The following ADGRV1 variants were observed in gnomAD, a reference collection of about 807,000 sequenced individuals.
ADGRV1 encodes adhesion G protein-coupled receptor V1.
ADGRV1 carries 359 observed loss-of-function variants against 596.2 expected under a neutral mutation model. The ratio of observed to expected loss-of-function variants is 0.60; its 90% CI spans 0.55 to 0.66. ADGRV1 has a LOEUF of 0.66. Ranked by LOEUF, ADGRV1 falls within the 30% of genes least tolerant of loss-of-function variation. ADGRV1 has a pLI of 0.00. For synonymous variants in ADGRV1, 2,681 were observed against 2,679.2 expected, an observed-to-expected ratio of 1.00 and a Z score of -0.02; for missense variants, 7,274 against 7,575.6, an observed-to-expected ratio of 0.96 and a Z score of 1.48.
intron 75 of ADGRV1, among the ~76,000 whole-genome samples, chr5:90,822,380 G>A (rs1332230936): frequency 2.0e-5 from 3 of 152,136 alleles, no homozygotes; most frequent in East Asian, 1.9e-4. Flanking sequence ...CGTCTTCTGC[G>A]TTGCTCACGC....
At chr5:91,015,282 T>G (rs10055587) in intron 85 of ADGRV1, among the ~76,000 whole-genome samples, 107,378 of 151,980 alleles carry the variant, frequency 0.71, 38,353 homozygotes, top group African/African-American at 0.82. Flanking sequence ...CATTTACTGA[T>G]GATTGTTTTA....
rs760911584 is a variant in ADGRV1 at position 90,725,681 on chromosome 5, G to T, written c.10161+25G>T. The T allele has an allele frequency of 1.5e-5, 16 of 1,052,292 alleles. No individual in the cohort carries two copies. In the East Asian group the frequency reaches 3.3e-4, roughly 21 times the overall value. 65.2% of individuals were successfully genotyped at this position (1,052,292 alleles called of 1,614,324 possible). A position where few individuals can be genotyped will look rare whatever the true frequency, so the allele number is the denominator to read the frequency against. ...GGTTTGATTCTTTTAAAATGAAGTG[G>T]GTTTTTTTTTGCTTTTCTTTTTAAC... is the stretch of plus-strand genomic sequence containing the variant. On this transcript the variant is annotated intron_variant, in intron 48 of 89. Transcript: ENST00000405460.
rs773676541 is a variant in ADGRV1 at position 90,815,757 on chromosome 5, T to A, written c.16196+21T>A. ...AACAGGTATGTGTATATATAGTATA[T>A]GGAAGACGTAACATTCTGTGTGTCT... On this transcript the variant is annotated intron_variant, in intron 75 of 89. Coordinates refer to ENST00000405460, the MANE Select transcript of ADGRV1 (RefSeq NM_032119.4). The A allele has an allele frequency of 6.6e-6, 8 of 1,206,128 alleles. No homozygotes were observed. In the Admixed American group the frequency reaches 1.6e-4, roughly 24 times the overall value. The allele number at this position is 1,206,128 out of a possible 1,614,324, so 74.7% of individuals were successfully genotyped here.
At position 90,703,695 on chromosome 5, in the gene ADGRV1, C is replaced by T. The variant is rs1418948524; in HGVS notation, c.8186C>T (p.Thr2729Ile). The T allele has an allele frequency of 6.2e-7, 1 of 1,604,232 alleles. No individual in the cohort carries two copies. The highest frequency in any genetic ancestry group is 8.5e-7 in the Non-Finnish European group (1 of 1,173,646). The change falls in exon 35 of 90, where the codon ACT (threonine) becomes ATT (isoleucine). Residue 2729 changes from threonine (T) to isoleucine (I), a missense_variant. Physicochemically the swap from Thr to Ile is moderately conservative, Grantham distance 89. This residue lies in a region of ADGRV1 where 3,643 missense variants were observed against 3,809.2 expected (regional missense o/e 0.96). Transcript: ENST00000405460. ...GEILQFHVIR[T>I]FPGRGNVTVN... ...ATTTTACAATTCCATGTGATAAGAACTTTCCCTGGTCGAGGAAATGTTACT... is the reference window on the plus strand; with the variant it reads ...ATTTTACAATTCCATGTGATAAGAATTTTCCCTGGTCGAGGAAATGTTACT...
chr5:90,828,276 A>G lies in ADGRV1; in HGVS notation c.16369-668A>G, dbSNP rs542215131. 4.3e-4 allele frequency among the ~76,000 whole-genome samples: 66 copies of G among 152,190 alleles called. 2 individuals are homozygous for G. In the South Asian group the frequency reaches 0.013, roughly 31 times the overall value. On this transcript the variant is annotated intron_variant, in intron 76 of 89. Transcript: ENST00000405460. ...TTGACTATTATAAATATTTGATTAT[A>G]TTTATTTAAAACACTTTAAAAATAA...
chr5:90,874,524 C>T (rs1266140041), intron 83 of ADGRV1, among the ~76,000 whole-genome samples: 5 of 151,918 alleles, frequency 3.3e-5, no homozygotes, highest in Non-Finnish European at 5.9e-5. Context: ...CTGTTTCTAG[C>T]ACTCATAAAA....
At chr5:90,948,681 C>G (rs985160155) in intron 83 of ADGRV1, among the ~76,000 whole-genome samples, 2 of 152,096 alleles carry the variant, frequency 1.3e-5, no homozygotes, top group South Asian at 4.1e-4. Flanking sequence ...ATAGCCTAAC[C>G]TAGCCTACCT....
intron 85 of ADGRV1, among the ~76,000 whole-genome samples, chr5:91,019,702 T>C (rs1783473235): frequency 6.6e-6 from 1 of 152,024 alleles, no homozygotes; most frequent in African/African-American, 2.4e-5. Context: ...ATTTCGGTGA[T>C]AGATGTCATT....
At chr5:91,068,921 A>T (rs958019574) in intron 85 of ADGRV1, among the ~76,000 whole-genome samples, 1 of 152,182 alleles carries the variant, frequency 6.6e-6, no homozygotes, top group Admixed American at 6.5e-5. Context: ...CCAAAACAGC[A>T]TGGTACTGAT....
rs1373485037 is a variant in ADGRV1 at position 90,704,403 on chromosome 5, A to G, written c.8301A>G (p.Thr2767=). 2 of 1,573,914 alleles carry G rather than the reference A, an allele frequency of 1.3e-6. No individual in the cohort carries two copies. Among genetic ancestry groups the G allele is most frequent in the African/African-American group, 1.3e-5 (1 of 74,300 alleles). The part of the protein sequence containing the change: ...QLFFPEGSLN[T]TLFVHLLDDN... ...GTATGACATAGGGGTCGTTGAATACAACATTGTTTGTGCATTTGTTGGATG... is the reference window on the plus strand; with the variant it reads ...GTATGACATAGGGGTCGTTGAATACGACATTGTTTGTGCATTTGTTGGATG... Residue 2767 remains threonine (T), a synonymous_variant, in exon 36 of 90, where the codon ACA becomes ACG. Coordinates refer to ENST00000405460, the MANE Select transcript of ADGRV1 (RefSeq NM_032119.4).
Position 90,646,054 on chromosome 5 carries a change from G to A in ADGRV1, c.2985G>A (p.Leu995=). The A allele has an allele frequency of 6.3e-7, 1 of 1,598,870 alleles. No homozygotes were observed. Among genetic ancestry groups the A allele is most frequent in the Non-Finnish European group, 8.5e-7 (1 of 1,171,788 alleles). Residue 995 remains leucine (L), a synonymous_variant, in exon 16 of 90, where the codon CTG becomes CTA. Coordinates refer to ENST00000405460, the MANE Select transcript of ADGRV1 (RefSeq NM_032119.4). ...TGGGAAATAGAACAACTGCAACTCT[G>A]AGGATTAGAAGAAATGATGACCCCA... is the stretch of plus-strand genomic sequence containing the variant. ...AKVGNRTTAT[L]RIRRNDDPIY...
In ADGRV1 at chr5:90,614,913, G is replaced by A; in HGVS notation, c.101G>A (p.Arg34Lys). 1 of 1,606,320 alleles carries A rather than the reference G, an allele frequency of 6.2e-7. No individual in the cohort carries two copies. Among genetic ancestry groups the A allele is most frequent in the Non-Finnish European group, 8.5e-7 (1 of 1,175,358 alleles). ...ILFVFGETEI[R>K]FTGQTEFVVN... ...TTTGTGTTTGGAGAAACAGAAATAA[G>A]ATTTACTGGACAAACTGAATTTGTT... Residue 34 changes from arginine (R) to lysine (K), a missense_variant, in exon 2 of 90, where the codon AGA becomes AAA. Arg to Lys is a conservative substitution (Grantham distance 26). Coordinates refer to ENST00000405460, the MANE Select transcript of ADGRV1 (RefSeq NM_032119.4).
rs1156763944 is a variant in ADGRV1, at chr5:90,637,767, A to G, written c.2059A>G (p.Thr687Ala). ...TCGGGATGGAACTGATGGCCAGGCT[A>G]CTGTCTACTGGAGTTTGAAGCCCTC... Reference protein sequence around the residue: ...LHRDGTDGQATVYWSLKPSGF... With the variant: ...LHRDGTDGQAAVYWSLKPSGF... The change falls in exon 11 of 90, where the codon ACT (threonine) becomes GCT (alanine). Residue 687 changes from threonine to alanine, a missense_variant. This residue lies in a region of ADGRV1 where 1,715 missense variants were observed against 1,708.8 expected (regional missense o/e 1.00). Coordinates refer to ENST00000405460, the MANE Select transcript of ADGRV1 (RefSeq NM_032119.4). 1.2e-6 allele frequency: 2 copies of G among 1,613,336 alleles called. No homozygotes were observed. Among genetic ancestry groups the G allele is most frequent in the African/African-American group, 1.3e-5 (1 of 75,040 alleles).
At chr5:91,154,205 T>A (rs1269255835) in intron 89 of ADGRV1, among the ~76,000 whole-genome samples, 1 of 152,236 alleles carries the variant, frequency 6.6e-6, no homozygotes, top group African/African-American at 2.4e-5. Context: ...AATGTTGAAC[T>A]GACACTTATA....
chr5:90,810,943 A>C lies in ADGRV1; in HGVS notation c.15683A>C (p.Tyr5228Ser), dbSNP rs781662210. Reference sequence around the variant, plus strand: ...TTCAGCCTTGGGCCATCCATTGTTTATATTGAAGAGGAGATGAAGAATGGC... The same window carrying C: ...TTCAGCCTTGGGCCATCCATTGTTTCTATTGAAGAGGAGATGAAGAATGGC... Reference protein sequence around the residue: ...GTFSLGPSIVYIEEEMKNGTF... With the variant: ...GTFSLGPSIVSIEEEMKNGTF... The change falls in exon 74 of 90, where the codon TAT becomes TCT. Residue 5228 changes from tyrosine to serine, a missense_variant. Tyr to Ser is a moderately radical substitution (Grantham distance 144). This residue lies in a region of ADGRV1 where 1,874 missense variants were observed against 1,970.2 expected (regional missense o/e 0.95). Coordinates refer to ENST00000405460, the MANE Select transcript of ADGRV1 (RefSeq NM_032119.4). 5.0e-6 allele frequency: 8 copies of C among 1,613,878 alleles called. No homozygotes were observed. Among genetic ancestry groups the C allele is most frequent in the Admixed American group, 1.7e-5 (1 of 59,998 alleles).
chr5:90,716,023 T>G (rs1750064188), intron 42 of ADGRV1, among the ~76,000 whole-genome samples: 1 of 152,200 alleles, frequency 6.6e-6, no homozygotes, highest in African/African-American at 2.4e-5. Flanking sequence ...TCTCTTACAT[T>G]TTCTTAGTAG....
At chr5:90,778,133 TTGTG>T (rs200395138) in intron 62 of ADGRV1, 90 bp downstream of exon 62, 12 of 1,399,524 alleles carry the variant, frequency 8.6e-6, no homozygotes, top group African/African-American at 1.5e-5. Context: ...GTGGGTGTGT[TTGTG>T]TGTGTGTGGT....
chr5:90,924,993 C>G lies in ADGRV1; in HGVS notation c.17857-40422C>G, dbSNP rs560634818. On this transcript the variant is annotated intron_variant, in intron 83 of 89. Coordinates refer to ENST00000405460, the MANE Select transcript of ADGRV1 (RefSeq NM_032119.4). ...TCTGTTCTGTTCCATTGATCTATAT[C>G]TCTGTTTTGGTACCAGTACCATGCT... Among the ~76,000 whole-genome samples the G allele has an allele frequency of 2.7e-5, 4 of 150,658 alleles. No homozygotes were observed. The South Asian group carries it at 8.4e-4, about 32-fold the overall frequency.
At chr5:90,806,306 A>T (rs1761896987) in intron 72 of ADGRV1, among the ~76,000 whole-genome samples, 1 of 152,152 alleles carries the variant, frequency 6.6e-6, no homozygotes, top group Non-Finnish European at 1.5e-5. Context: ...ATTGAGAGAC[A>T]CCATAGTGTG....
Sources: gnomAD v4.1 joint callset for allele counts (sites outside exome capture counted in the v4.1 genomes callset) on GRCh38, gnomAD v4.1.1 for gene constraint, gnomAD v4.1.1 regional missense constraint, MANE v1.5 for transcripts, NCBI Gene and HGNC (gene_info 2026-07-23, HGNC 2026-07-21) for gene names.